The following FGB variants were observed in gnomAD, a reference collection of about 807,000 sequenced individuals.
FGB encodes the protein fibrinogen beta chain.
Under a neutral mutation model 57.9 loss-of-function variants are expected in FGB, and 25 were observed. That is an observed-to-expected ratio of 0.43 (90% CI 0.31 to 0.60). The LOEUF is 0.60. FGB is among the 20% of genes least tolerant of loss of function. The pLI, the probability that FGB is intolerant of heterozygous loss-of-function variation, is 0.08. For missense variants in FGB, 536 were observed against 598.4 expected (o/e 0.90, Z 1.09); for synonymous variants, 203 against 199.2 (o/e 1.02, Z -0.16).
intron 4 of FGB, 84 bp from the exon 5 acceptor site, chr4:154,568,297 T>C: frequency 1.3e-6 from 1 of 788,950 alleles, no homozygotes; most frequent in South Asian, 1.4e-5. Context: ...GTAACTTATG[T>C]AATGTTATTT....
chr4:154,568,927 T>G (rs954143830), intron 5 of FGB, among the ~76,000 whole-genome samples: 1 of 151,746 alleles, frequency 6.6e-6, no homozygotes, highest in African/African-American at 2.4e-5. Flanking sequence ...TGACAAAGAG[T>G]AATTTGATGT....
chr4:154,565,045 T>A (rs1184255302), intron 1 of FGB: 1 of 202,432 alleles, frequency 4.9e-6, no homozygotes, highest in African/African-American at 2.4e-5. Context: ...TAGTACTTGT[T>A]ATGTGTGATT....
In FGB at chr4:154,571,778, G is replaced by T. The variant is rs1044133811; in HGVS notation, c.*1128G>T. Among the ~76,000 whole-genome samples, 1 of 151,940 alleles carries T rather than the reference G, an allele frequency of 6.6e-6. No homozygotes were observed. Among genetic ancestry groups the T allele is most frequent in the South Asian group, 2.1e-4 (1 of 4,826 alleles). On this transcript the variant is annotated 3_prime_UTR_variant, in exon 8 of 8. Coordinates refer to ENST00000302068, the MANE Select transcript of FGB (RefSeq NM_005141.5). ...TCATCTCAACACTTCACTCCAAGTC[G>T]CCACGGGCAACCTTATGACCCTAGG...
intron 7 of FGB, 41 bp from the exon 8 acceptor site, chr4:154,570,378 G>A (rs1252202519): frequency 1.0e-5 from 15 of 1,493,396 alleles, no homozygotes; most frequent in East Asian, 4.5e-5. Flanking sequence ...CTTGACCACC[G>A]TAGTTCTGTT....
chr4:154,563,190 A>C (rs896335026), intron 1 of FGB, 58 bp downstream of exon 1: 1 of 745,722 alleles, frequency 1.3e-6, no homozygotes, highest in African/African-American at 1.7e-5. Flanking sequence ...AAGATGTAAC[A>C]TAATCATATT....
At chr4:154,568,888 C>A (rs1227903659) in intron 5 of FGB, among the ~76,000 whole-genome samples, 10 of 151,688 alleles carry the variant, frequency 6.6e-5, no homozygotes, top group Non-Finnish European at 1.3e-4. Context: ...AGCCAGGAAA[C>A]AAGACTTAGC....
At chr4:154,569,374 T>C in intron 6 of FGB, 67 bp downstream of exon 6, 2 of 1,606,002 alleles carry the variant, frequency 1.2e-6, no homozygotes, top group East Asian at 2.2e-5. Context: ...TTAAAAAACA[T>C]TCATTGTTGG....
Position 154,571,726 on chromosome 4 carries a change from T to C in FGB, c.*1076T>C, listed in dbSNP as rs1404276258. ...AAGTAAAAGTGGTTTTTCTGTTCTTTCTACTTCTCCCCATGAAATGGGCAT... is the reference window on the plus strand; with the variant it reads ...AAGTAAAAGTGGTTTTTCTGTTCTTCCTACTTCTCCCCATGAAATGGGCAT... On this transcript the variant is annotated 3_prime_UTR_variant, in exon 8 of 8. Coordinates refer to ENST00000302068, the MANE Select transcript of FGB (RefSeq NM_005141.5). Among the ~76,000 whole-genome samples, 1 of 152,298 alleles carries C rather than the reference T, an allele frequency of 6.6e-6. No individual in the cohort carries two copies. Among genetic ancestry groups the C allele is most frequent in the South Asian group, 2.1e-4 (1 of 4,830 alleles).
intron 1 of FGB, 173 bp from the exon 2 acceptor site, chr4:154,565,635 T>C (rs1730122527): frequency 3.1e-6 from 2 of 652,276 alleles, no homozygotes; most frequent in South Asian, 1.9e-5. Context: ...CTTTCTACTG[T>C]TACTGAACAG....
chr4:154,563,220 A>G, intron 1 of FGB, 88 bp downstream of exon 1: 1 of 644,166 alleles, frequency 1.6e-6, no homozygotes. Context: ...TTTTAATGAA[A>G]TTAGCATTGC....
chr4:154,564,500 A>C (rs952376187), intron 1 of FGB, among the ~76,000 whole-genome samples: 11 of 152,154 alleles, frequency 7.2e-5, no homozygotes. Flanking sequence ...GAATCTTTAC[A>C]TATTAAGAAT....
At chr4:154,568,603 T>C in intron 5 of FGB, 109 bp downstream of exon 5, 2 of 728,096 alleles carry the variant, frequency 2.7e-6, no homozygotes, top group South Asian at 1.4e-5. Flanking sequence ...TCCAGCACCT[T>C]GGGAGGCCAA....
At position 154,571,176 on chromosome 4, in the gene FGB, C is replaced by T. The variant is rs933339992; in HGVS notation, c.*526C>T. ...GAGAAGCGTTCACAACCTCAAATAGCTAATAAACCGGTCTTGAATATTTGA... is the reference window on the plus strand; with the variant it reads ...GAGAAGCGTTCACAACCTCAAATAGTTAATAAACCGGTCTTGAATATTTGA... On this transcript the variant is annotated 3_prime_UTR_variant, in exon 8 of 8. Coordinates refer to ENST00000302068, the MANE Select transcript of FGB (RefSeq NM_005141.5). 6 of 191,600 alleles carry T rather than the reference C, an allele frequency of 3.1e-5. No homozygotes were observed. The highest frequency in any genetic ancestry group is 5.5e-5 in the Admixed American group (1 of 18,346). The allele number at this position is 191,600 out of a possible 1,614,324, so 11.9% of individuals were successfully genotyped here.
At chr4:154,567,468 A>T in intron 3 of FGB, 125 bp from the exon 4 acceptor site, 1 of 683,678 alleles carries the variant, frequency 1.5e-6, no homozygotes, top group Admixed American at 2.2e-5. Flanking sequence ...ACTATATATC[A>T]TAACTGCTTG....
chr4:154,568,111 C>G (rs767278859), intron 4 of FGB, among the ~76,000 whole-genome samples: 28 of 152,116 alleles, frequency 1.8e-4, no homozygotes, highest in African/African-American at 5.8e-4. Context: ...AGAAGTTTCT[C>G]CATTTTGTGT....
At chr4:154,566,886 A>T in intron 3 of FGB, 1 of 576,528 alleles carries the variant, frequency 1.7e-6, no homozygotes, top group South Asian at 2.0e-5. Flanking sequence ...TCTATGAAAA[A>T]TTCTACTATG....
Position 154,570,708 on chromosome 4 carries a change from T to A in FGB, c.*58T>A. ...GTGACAACATTTTTGTACATTATGT[T>A]ATTGGAATTTTCTTTCATACATTAT... On this transcript the variant is annotated 3_prime_UTR_variant, in exon 8 of 8. Transcript: ENST00000302068. The A allele has an allele frequency of 7.5e-7, 1 of 1,333,346 alleles. No individual in the cohort carries two copies. The allele number at this position is 1,333,346 out of a possible 1,614,324, so 82.6% of individuals were successfully genotyped here.
At chr4:154,566,761 A>C in intron 3 of FGB, 89 bp downstream of exon 3, 1 of 1,300,488 alleles carries the variant, frequency 7.7e-7, no homozygotes, top group East Asian at 2.3e-5. Flanking sequence ...TGAGAAGATT[A>C]ACATTTCTGG....
rs1342478628 is a variant in FGB at position 154,569,623 on chromosome 4, T to C, written c.1068T>C (p.Tyr356=). Residue 356 remains tyrosine, a synonymous_variant, in exon 7 of 8, where the codon TAT becomes TAC. Coordinates refer to ENST00000302068, the MANE Select transcript of FGB (RefSeq NM_005141.5). ...AAGGAGACAAAGTAAAGGCTCACTA[T>C]GGAGGATTCACTGTACAGAATGAAG... The part of the protein sequence containing the change: ...DWKGDKVKAH[Y]GGFTVQNEAN... 4 of 1,614,162 alleles carry C rather than the reference T, an allele frequency of 2.5e-6. No homozygotes were observed. Among genetic ancestry groups the C allele is most frequent in the Non-Finnish European group, 2.5e-6 (3 of 1,180,010 alleles).
Sources: allele counts gnomAD v4.1 joint callset (sites outside exome capture counted in the v4.1 genomes callset), GRCh38; gene constraint gnomAD v4.1.1; transcripts MANE v1.5; gene names NCBI Gene and HGNC (gene_info 2026-07-23, HGNC 2026-07-21).